PTPRD: variants seen among roughly 807,000 people sequenced by gnomAD.
PTPRD encodes protein tyrosine phosphatase receptor type D, also known as receptor-type tyrosine-protein phosphatase delta.
A neutral mutation model predicts 214.5 loss-of-function variants in PTPRD; 34 were observed. The observed-to-expected ratio is 0.16, with a 90% CI of 0.12 to 0.21. The LOEUF (loss-of-function observed/expected upper bound fraction) is 0.21. PTPRD is among the 10% of genes least tolerant of loss of function. The probability of loss-of-function intolerance (pLI) is 1.00; values close to 1 mark genes in which losing one functional copy is unlikely to be tolerated. For missense variants in PTPRD, 2,545 were observed against 2,398.7 expected, an observed-to-expected ratio of 1.06 and a Z score of -1.27; for synonymous variants, 1,128 against 845.7, an observed-to-expected ratio of 1.33 and a Z score of -5.79.
chr9:8,423,320 T>G (rs1204743907), intron 35 of PTPRD, among the ~76,000 whole-genome samples: 2 of 152,078 alleles, frequency 1.3e-5, no homozygotes, highest in African/African-American at 2.4e-5. Context: ...ATAATAACAA[T>G]AAATTCTTAA....
intron 5 of PTPRD, among the ~76,000 whole-genome samples, chr9:9,875,074 C>T (rs555249842): frequency 6.6e-6 from 1 of 152,102 alleles, no homozygotes; most frequent in Non-Finnish European, 1.5e-5. Context: ...TTAACCTATA[C>T]ATCAATAAGG....
intron 5 of PTPRD, among the ~76,000 whole-genome samples, chr9:9,795,921 C>G (rs538164825): frequency 2.2e-4 from 33 of 152,172 alleles, no homozygotes; most frequent in Non-Finnish European, 4.3e-4. Context: ...AGTCTCTCTA[C>G]AGAAACTATC....
chr9:10,065,144 A>AAAGG (rs1459632692), intron 3 of PTPRD, among the ~76,000 whole-genome samples: 1 of 133,766 alleles, frequency 7.5e-6, no homozygotes, highest in Non-Finnish European at 1.6e-5. Flanking sequence ...CTTGGATTAG[A>AAAGG]AAGAAAGAAA....
At chr9:9,998,939 C>T (rs1457603846) in intron 4 of PTPRD, among the ~76,000 whole-genome samples, 1 of 152,170 alleles carries the variant, frequency 6.6e-6, no homozygotes, top group Non-Finnish European at 1.5e-5. Context: ...TTATTATCCT[C>T]AGTTTTTTTT....
At chr9:9,605,771 T>A (rs73641333) in intron 7 of PTPRD, among the ~76,000 whole-genome samples, 3,945 of 152,184 alleles carry the variant, frequency 0.026, 153 homozygotes, top group African/African-American at 0.09. Context: ...AAATGCTTGT[T>A]ATTATTATTG....
At chr9:8,331,471 T>C in intron 44 of PTPRD, 111 bp downstream of exon 44, 6 of 1,242,746 alleles carry the variant, frequency 4.8e-6, no homozygotes, top group Non-Finnish European at 6.7e-6. Flanking sequence ...AGTTTTGTAA[T>C]ACATTGCCAA....
chr9:10,194,337 TATATATATAGAGAGAGAGAG>T (rs1388629623), intron 3 of PTPRD, among the ~76,000 whole-genome samples: 47 of 70,624 alleles, frequency 6.7e-4, no homozygotes, highest in South Asian at 2.4e-3. Context: ...TATATATATA[TATATATATAGAGAGAGAGAG>T]AGAGAGAGAG....
intron 7 of PTPRD, among the ~76,000 whole-genome samples, chr9:9,663,675 A>G (rs1193476430): frequency 6.6e-6 from 1 of 151,596 alleles, no homozygotes; most frequent in African/African-American, 2.4e-5. Flanking sequence ...GATCACTAAC[A>G]CCTGAATTTG....
intron 7 of PTPRD, among the ~76,000 whole-genome samples, chr9:9,655,593 A>C (rs941125976): frequency 6.6e-6 from 1 of 151,410 alleles, no homozygotes; most frequent in Non-Finnish European, 1.5e-5. Flanking sequence ...ACCAAACCAA[A>C]CCAAACCAAA....
chr9:9,756,818 C>T (rs10977949), intron 6 of PTPRD, among the ~76,000 whole-genome samples: 5,366 of 152,136 alleles, frequency 0.035, 294 homozygotes, highest in African/African-American at 0.12. Context: ...CAAAATACTG[C>T]CTCCCATGTG....
intron 10 of PTPRD, among the ~76,000 whole-genome samples, chr9:9,022,546 A>G (rs2099573433): frequency 1.3e-5 from 2 of 152,186 alleles, no homozygotes; most frequent in Admixed American, 1.3e-4. Context: ...AGGCTATACC[A>G]CATACCATAA....
chr9:10,529,297 T>C (rs1428963109), intron 2 of PTPRD, among the ~76,000 whole-genome samples: 3 of 152,114 alleles, frequency 2.0e-5, no homozygotes, highest in Non-Finnish European at 4.4e-5. Context: ...CTGTTCACAA[T>C]AGCAAAGACT....
At chr9:10,235,445 A>C (rs1397416563) in intron 3 of PTPRD, among the ~76,000 whole-genome samples, 1 of 151,932 alleles carries the variant, frequency 6.6e-6, no homozygotes. Flanking sequence ...CTAGCTGCTC[A>C]TGTCAGAAAG....
At chr9:8,448,933 A>G (rs1311329578) in intron 34 of PTPRD, among the ~76,000 whole-genome samples, 1 of 152,150 alleles carries the variant, frequency 6.6e-6, no homozygotes, top group East Asian at 1.9e-4. Context: ...CATTATCATA[A>G]CATATTAAGA....
At chr9:10,095,931 T>C (rs1165111801) in intron 3 of PTPRD, among the ~76,000 whole-genome samples, 1 of 151,618 alleles carries the variant, frequency 6.6e-6, no homozygotes, top group Non-Finnish European at 1.5e-5. Flanking sequence ...TGCCATTATA[T>C]CCAATCTCTC....
chr9:8,792,753 G>A (rs1400525014), intron 11 of PTPRD, among the ~76,000 whole-genome samples: 1 of 152,114 alleles, frequency 6.6e-6, no homozygotes, highest in African/African-American at 2.4e-5. Context: ...TAGAGGTAAA[G>A]ACCTCTCGTC....
intron 5 of PTPRD, among the ~76,000 whole-genome samples, chr9:9,823,404 A>C (rs2263143): frequency 0.045 from 6,810 of 152,128 alleles, 189 homozygotes; most frequent in African/African-American, 0.08. Context: ...CAAAGACAGC[A>C]CAAGCCTGGA....
At chr9:8,905,287 A>G (rs906477124) in intron 11 of PTPRD, among the ~76,000 whole-genome samples, 2 of 151,912 alleles carry the variant, frequency 1.3e-5, no homozygotes, top group East Asian at 3.9e-4. Context: ...ATAGATATGT[A>G]TAAACTTGGC....
chr9:8,923,209 T>G (rs1008252387), intron 11 of PTPRD, among the ~76,000 whole-genome samples: 4 of 151,476 alleles, frequency 2.6e-5, no homozygotes, highest in Admixed American at 6.6e-5. Flanking sequence ...GCCCAGCTAA[T>G]TTTTGTATTT....
Sources: gnomAD v4.1 joint callset for allele counts (sites outside exome capture counted in the v4.1 genomes callset) on GRCh38, gnomAD v4.1.1 for gene constraint, MANE v1.5 for transcripts, NCBI Gene and HGNC (gene_info 2026-07-23, HGNC 2026-07-21) for gene names.